CELF2: variants seen among roughly 807,000 people sequenced by gnomAD.
The protein encoded by CELF2 is CUGBP Elav-like family member 2, also known as CUG triplet repeat RNA-binding protein 2.
A neutral mutation model predicts 62.6 loss-of-function variants in CELF2; 8 were observed. The observed-to-expected ratio is 0.13, with a 90% confidence interval of 0.07 to 0.23. CELF2 has a LOEUF of 0.23. Ranked by LOEUF, CELF2 falls within the 10% of genes least tolerant of loss-of-function variation. The pLI, the probability that CELF2 is intolerant of heterozygous loss-of-function variation, is 1.00. For missense variants in CELF2, 333 were observed against 671.0 expected (o/e 0.50, Z 5.56); for synonymous variants, 258 against 250.0 (o/e 1.03, Z -0.30).
At chr10:10,646,081 A>T in the CELF2 span, among the ~76,000 whole-genome samples, 3 of 152,160 alleles carry the variant, frequency 2.0e-5, no homozygotes, top group African/African-American at 7.2e-5. Flanking sequence ...TTCAGATAAG[A>T]TCTAATATGG....
chr10:10,598,760 T>C, the CELF2 span, among the ~76,000 whole-genome samples: 4 of 129,976 alleles, frequency 3.1e-5, no homozygotes, highest in South Asian at 1.1e-3. Context: ...TCTTTTTTTT[T>C]TTTTTTTTTT....
upstream of CELF2, among the ~76,000 whole-genome samples, chr10:11,016,327 T>C (rs1360974638): frequency 2.0e-5 from 3 of 152,200 alleles, no homozygotes; most frequent in African/African-American, 7.2e-5. The surrounding 1 kb of genome is among the most constrained non-coding windows in gnomAD (Gnocchi z 5.2). Flanking sequence ...CAGACCTGGT[T>C]CCTCCAGTAA....
chr10:11,024,515 C>T (rs751151237), intron 1 of CELF2, among the ~76,000 whole-genome samples: 2 of 152,090 alleles, frequency 1.3e-5, no homozygotes, highest in African/African-American at 4.8e-5. Flanking sequence ...GGGGGAGGAT[C>T]GCCTGAACCT....
chr10:10,754,616 G>T, the CELF2 span, among the ~76,000 whole-genome samples: 2 of 152,142 alleles, frequency 1.3e-5, no homozygotes, highest in African/African-American at 4.8e-5. Flanking sequence ...GTCTATTTTT[G>T]TTGTTCACAG....
the CELF2 span, among the ~76,000 whole-genome samples, chr10:10,509,256 T>C: frequency 2.0e-5 from 3 of 152,210 alleles, no homozygotes; most frequent in African/African-American, 7.2e-5. Flanking sequence ...GTCCTAGCTC[T>C]ATTATGCCTG....
chr10:10,886,785 G>C (rs1222885179), intron 1 of CELF2, among the ~76,000 whole-genome samples: 3 of 152,218 alleles, frequency 2.0e-5, no homozygotes, highest in Admixed American at 1.3e-4. Context: ...GCAGTGAGCT[G>C]TGATCACACC....
the CELF2 span, among the ~76,000 whole-genome samples, chr10:10,721,546 C>T: frequency 0.21 from 31,445 of 152,042 alleles, 4,122 homozygotes; most frequent in South Asian, 0.42. Context: ...ACACCTTAGC[C>T]CTTTCTTATC....
At chr10:11,179,397 G>A (rs930507989) in intron 2 of CELF2, among the ~76,000 whole-genome samples, 11 of 152,044 alleles carry the variant, frequency 7.2e-5, no homozygotes, top group Admixed American at 3.3e-4. Flanking sequence ...AGTTTACATC[G>A]CTTGCTGAAG....
chr10:10,570,668 C>T, the CELF2 span, among the ~76,000 whole-genome samples: 1 of 151,556 alleles, frequency 6.6e-6, no homozygotes, highest in South Asian at 2.1e-4. Context: ...TAAGATGCCA[C>T]AATATAAGAG....
intron 7 of CELF2, among the ~76,000 whole-genome samples, chr10:11,273,715 G>GT (rs1555042453): frequency 1.3e-5 from 2 of 150,414 alleles, no homozygotes; most frequent in African/African-American, 2.5e-5. Flanking sequence ...TGAAAGTTTT[G>GT]TTTTTTTGTT....
intron 1 of CELF2, among the ~76,000 whole-genome samples, chr10:11,118,639 G>C (rs1447856618): frequency 1.3e-5 from 2 of 152,194 alleles, no homozygotes; most frequent in African/African-American, 4.8e-5. Context: ...TGAAGTTACT[G>C]ACTTTGGGGT....
At chr10:11,135,665 T>C (rs1256054024) in intron 1 of CELF2, among the ~76,000 whole-genome samples, 1 of 152,252 alleles carries the variant, frequency 6.6e-6, no homozygotes, top group Admixed American at 6.5e-5. Context: ...TACTCTGAGC[T>C]ACACTTAGTC....
At chr10:11,272,453 T>C (rs1343318213) in intron 7 of CELF2, among the ~76,000 whole-genome samples, 2 of 152,146 alleles carry the variant, frequency 1.3e-5, no homozygotes, top group Non-Finnish European at 2.9e-5. Flanking sequence ...CTCACCTTCC[T>C]GTACTTTCTA....
intron 1 of CELF2, among the ~76,000 whole-genome samples, chr10:10,840,895 T>G (rs1006039559): frequency 6.6e-6 from 1 of 152,074 alleles, no homozygotes; most frequent in Non-Finnish European, 1.5e-5. Flanking sequence ...CCTGTGTCCA[T>G]GTGTTCTCAT....
the CELF2 span, among the ~76,000 whole-genome samples, chr10:10,463,627 C>A: frequency 6.6e-6 from 1 of 151,984 alleles, no homozygotes; most frequent in African/African-American, 2.4e-5. Flanking sequence ...AAAATATATC[C>A]ATGTGTCAAA....
intron 1 of CELF2, among the ~76,000 whole-genome samples, chr10:10,857,679 A>G (rs2059820056): frequency 7.2e-6 from 1 of 139,150 alleles, no homozygotes; most frequent in Non-Finnish European, 1.5e-5. Context: ...ATATATATAT[A>G]TATTTTACCT....
chr10:11,274,571 G>A (rs1007975569), intron 7 of CELF2, among the ~76,000 whole-genome samples: 2 of 152,306 alleles, frequency 1.3e-5, no homozygotes, highest in South Asian at 2.1e-4. Context: ...GCAGCTGTAC[G>A]GCTGTGAATA....
chr10:10,777,646 C>T, the CELF2 span, among the ~76,000 whole-genome samples: 1 of 152,146 alleles, frequency 6.6e-6, no homozygotes, highest in Admixed American at 6.6e-5. Flanking sequence ...CGTTCCAGTC[C>T]ATGTTTCCGG....
intron 2 of CELF2, among the ~76,000 whole-genome samples, chr10:10,985,191 G>A (rs1426523990): frequency 6.6e-6 from 1 of 151,994 alleles, no homozygotes; most frequent in South Asian, 2.1e-4. Flanking sequence ...TGACCTACTC[G>A]GGAATATTAA....
Sources: allele counts gnomAD v4.1 joint callset (sites outside exome capture counted in the v4.1 genomes callset), GRCh38; gene constraint gnomAD v4.1.1; non-coding constraint Gnocchi (gnomAD v3.1); transcripts MANE v1.5; gene names NCBI Gene and HGNC (gene_info 2026-07-23, HGNC 2026-07-21).